Variants in DDX59 observed in about 807,000 individuals in gnomAD.
The protein encoded by DDX59 is probable ATP-dependent RNA helicase DDX59.
Under a neutral mutation model 51.9 loss-of-function variants are expected in DDX59, and 30 were observed. The observed-to-expected ratio is 0.58, with a 90% CI of 0.43 to 0.78. The LOEUF is 0.78. Ranked by LOEUF, DDX59 falls within the 30% of genes least tolerant of loss-of-function variation. The probability of loss-of-function intolerance (pLI) is 0.00; values close to 1 mark genes in which losing one functional copy is unlikely to be tolerated. For synonymous variants in DDX59, 255 were observed against 253.3 expected (o/e 1.01, Z -0.06); for missense variants, 672 against 730.8 (o/e 0.92, Z 0.93).
chr1:200,654,918 C>T (rs764715200), intron 4 of DDX59: 3 of 152,208 alleles, frequency 2.0e-5, no homozygotes, highest in Non-Finnish European at 4.4e-5. Flanking sequence ...TTTACTGACT[C>T]ATCTTCAGAC....
rs1036347946 is a variant in DDX59 at position 200,666,243 on chromosome 1, A to G, written c.498T>C (p.Tyr166=). The change falls in exon 2 of 8, where the codon TAT becomes TAC. Residue 166 remains tyrosine (Y), a synonymous_variant. Transcript: ENST00000331314. ...SEPESPLNAS[Y]VYKEHPFILN... ...AAATAAAGGGGTGCTCTTTGTAGAC[A>G]TAGGAAGCATTCAGTGGAGACTCTG... The G allele has an allele frequency of 6.2e-7, 1 of 1,614,252 alleles. No homozygotes were observed. The highest frequency in any genetic ancestry group is 8.5e-7 in the Non-Finnish European group (1 of 1,180,040).
In DDX59 at chr1:200,650,474, A is replaced by G. The variant is rs1349964900; in HGVS notation, c.1265T>C (p.Leu422Ser). The G allele has an allele frequency of 6.2e-7, 1 of 1,613,982 alleles. No individual in the cohort carries two copies. The change falls in exon 5 of 8, where the codon TTG (leucine) becomes TCG (serine). Residue 422 changes from leucine (L) to serine (S), a missense_variant. Transcript: ENST00000331314. ...LPCANVRQII[L>S]WVEDPAKKKK... ...CTTTTTGGCTGGGTCTTCTACCCAC[A>G]AAATAATCTGACGTACATTGGCACA...
downstream of DDX59, chr1:200,641,182 T>G: frequency 7.7e-7 from 1 of 1,304,714 alleles, no homozygotes; most frequent in Non-Finnish European, 1.0e-6. Context: ...TTGTGGTGAG[T>G]AGACTGTATA....
intron 4 of DDX59, among the ~76,000 whole-genome samples, chr1:200,651,198 TTTG>T (rs1482743930): frequency 6.6e-6 from 1 of 151,906 alleles, no homozygotes; most frequent in Non-Finnish European, 1.5e-5. Flanking sequence ...TTTTGCAAAG[TTTG>T]TTTTTTTTTT....
intron 3 of DDX59, 151 bp downstream of exon 3, chr1:200,663,768 A>AG: frequency 4.2e-6 from 1 of 240,672 alleles, no homozygotes. Flanking sequence ...AAAACAAACT[A>AG]AAAAAAAAAA....
chr1:200,650,746 G>A (rs2102858947), intron 4 of DDX59, 70 bp from the exon 5 acceptor site: 6 of 1,323,696 alleles, frequency 4.5e-6, no homozygotes, highest in Middle Eastern at 1.9e-4. Context: ...AAAAAAGACT[G>A]ATATAATTAA....
At chr1:200,660,702 T>G (rs1024513521) in intron 3 of DDX59, among the ~76,000 whole-genome samples, 1 of 152,222 alleles carries the variant, frequency 6.6e-6, no homozygotes, top group Non-Finnish European at 1.5e-5. Flanking sequence ...GTCTCATGGT[T>G]TCTAATAAAT....
rs771028844 is a variant in DDX59 at position 200,663,976 on chromosome 1, A to C, written c.915T>G (p.Leu305=). ...MSGLPRMKTV[L]LVGGLPLPPQ... ...GGGGTAAGGGTAAGCCCCCTACAAG[A>C]AGCACAGTTTTCATGCGTGGCAGGC... The change falls in exon 3 of 8, where the codon CTT becomes CTG. Residue 305 remains leucine, a synonymous_variant. Coordinates refer to ENST00000331314, the MANE Select transcript of DDX59 (RefSeq NM_001031725.6). 2.1e-5 allele frequency: 34 copies of C among 1,614,060 alleles called. No individual in the cohort carries two copies. Among genetic ancestry groups the C allele is most frequent in the East Asian group, 4.5e-5 (2 of 44,892 alleles).
intron 7 of DDX59, 132 bp from the exon 8 acceptor site, chr1:200,644,649 A>G: frequency 9.0e-7 from 1 of 1,114,376 alleles, no homozygotes; most frequent in Non-Finnish European, 1.2e-6. Flanking sequence ...TAACCCCAGC[A>G]CTTTGGGAGC....
downstream of DDX59, among the ~76,000 whole-genome samples, chr1:200,643,262 G>A (rs1405662083): frequency 6.6e-6 from 1 of 151,984 alleles, no homozygotes; most frequent in African/African-American, 2.4e-5. Context: ...CTCCAGTATA[G>A]GGTGACAGGG....
Position 200,663,796 on chromosome 1 carries a change from T to C in DDX59, c.972+123A>G, listed in dbSNP as rs193128169. On this transcript the variant is annotated intron_variant, in intron 3 of 7. Coordinates refer to ENST00000331314, the MANE Select transcript of DDX59 (RefSeq NM_001031725.6). ...AAAAAAAAAAAAACCTAAGGCTTAC[T>C]TGGTAAGAATTTAAAGGCTCTCTAA... is the stretch of plus-strand genomic sequence containing the variant. The C allele has an allele frequency of 6.9e-6, 7 of 1,016,058 alleles. No individual in the cohort carries two copies. In the Admixed American group the frequency reaches 2.0e-4, roughly 29 times the overall value. The allele number at this position is 1,016,058 out of a possible 1,614,324, so 62.9% of individuals were successfully genotyped here.
At chr1:200,662,366 C>T (rs1171366560) in intron 3 of DDX59, among the ~76,000 whole-genome samples, 1 of 152,056 alleles carries the variant, frequency 6.6e-6, no homozygotes, top group Non-Finnish European at 1.5e-5. Flanking sequence ...CTGTACTTAC[C>T]ACCTTTCTTT....
intron 4 of DDX59, among the ~76,000 whole-genome samples, chr1:200,658,014 A>G (rs2102891945): frequency 6.6e-6 from 1 of 152,304 alleles, no homozygotes; most frequent in East Asian, 1.9e-4. Flanking sequence ...AGGTGGAGTA[A>G]ATGTTCAAAT....
chr1:200,642,975 A>G (rs1332013217), downstream of DDX59, among the ~76,000 whole-genome samples: 1 of 152,240 alleles, frequency 6.6e-6, no homozygotes, highest in Non-Finnish European at 1.5e-5. Context: ...CCAGACTGCC[A>G]GCAAATTAAG....
intron 7 of DDX59, among the ~76,000 whole-genome samples, chr1:200,646,956 C>A (rs922466196): frequency 6.6e-6 from 1 of 150,990 alleles, no homozygotes; most frequent in Non-Finnish European, 1.5e-5. Flanking sequence ...TATGGATGAA[C>A]CTTAAAAACA....
At chr1:200,656,161 A>G (rs542804959) in intron 4 of DDX59, among the ~76,000 whole-genome samples, 1 of 152,236 alleles carries the variant, frequency 6.6e-6, no homozygotes, top group South Asian at 2.1e-4. Context: ...AGTATCTTCT[A>G]TCAGCCATTG....
intron 4 of DDX59, among the ~76,000 whole-genome samples, chr1:200,656,002 G>C (rs1661998763): frequency 1.3e-5 from 2 of 152,070 alleles, no homozygotes; most frequent in Non-Finnish European, 2.9e-5. Flanking sequence ...AGCTAATTTT[G>C]TATTTTTAGT....
chr1:200,643,574 C>T (rs1661114644), downstream of DDX59, among the ~76,000 whole-genome samples: 1 of 151,856 alleles, frequency 6.6e-6, no homozygotes, highest in Non-Finnish European at 1.5e-5. Flanking sequence ...ACCCAGGAGG[C>T]AGAGCTTGCA....
At chr1:200,650,030 G>C (rs1189322689) in intron 5 of DDX59, among the ~76,000 whole-genome samples, 1 of 151,868 alleles carries the variant, frequency 6.6e-6, no homozygotes, top group Non-Finnish European at 1.5e-5. Flanking sequence ...ATTTTTAGTA[G>C]AGACGGGGTT....
Sources: allele counts gnomAD v4.1 joint callset (sites outside exome capture counted in the v4.1 genomes callset), GRCh38; gene constraint gnomAD v4.1.1; transcripts MANE v1.5; gene names NCBI Gene and HGNC (gene_info 2026-07-23, HGNC 2026-07-21).